The following C6orf58 variants were observed in gnomAD, a reference collection of about 807,000 sequenced individuals.
C6orf58 encodes the protein protein LEG1 homolog.
In C6orf58, 30 loss-of-function variants were observed where a neutral mutation model predicts 37.0. The observed-to-expected ratio is 0.81, with a 90% CI of 0.61 to 1.10. The LOEUF (loss-of-function observed/expected upper bound fraction) is 1.10, where lower values mean the gene tolerates loss of function less well. Ranked by LOEUF, C6orf58 falls within the 50% of genes least tolerant of loss-of-function variation. The pLI is 0.00. For synonymous variants in C6orf58, 143 were observed against 134.1 expected (o/e 1.07, Z -0.46); for missense variants, 368 against 387.5 (o/e 0.95, Z 0.42).
intron 4 of C6orf58, among the ~76,000 whole-genome samples, chr6:127,587,458 G>T (rs924485811): frequency 6.6e-6 from 1 of 152,000 alleles, no homozygotes; most frequent in South Asian, 2.1e-4. Context: ...GGCTTATATT[G>T]GCAAAAGGTA....
chr6:127,584,665 T>C (rs990680900), intron 4 of C6orf58, among the ~76,000 whole-genome samples: 1 of 151,692 alleles, frequency 6.6e-6, no homozygotes, highest in Non-Finnish European at 1.5e-5. Context: ...TACCAGCTAC[T>C]TGGGAGGCTG....
At position 127,590,304 on chromosome 6, in the gene C6orf58, G is replaced by T; in HGVS notation, c.892G>T (p.Asp298Tyr). The change falls in exon 5 of 6, where the codon GAC (aspartate) becomes TAC (tyrosine). Residue 298 changes from aspartate (D) to tyrosine (Y), a missense_variant. Asp to Tyr is a radical substitution (Grantham distance 160, BLOSUM62 -3). Coordinates refer to ENST00000329722, the MANE Select transcript of C6orf58 (RefSeq NM_001010905.3). The stretch of plus-strand genomic sequence containing the variant: ...AGTCCTGGTTCTTCTAAATATGCTT[G>T]ACAATGTGGATAAATCTATAGGTAA... ...NVVLVLLNMLDNVDKSIGYLC... is the reference protein window; with the variant it reads ...NVVLVLLNMLYNVDKSIGYLC... 1 of 1,606,848 alleles carries T rather than the reference G, an allele frequency of 6.2e-7. No homozygotes were observed.
chr6:127,581,932 T>G (rs1775054672), intron 4 of C6orf58, among the ~76,000 whole-genome samples: 1 of 152,202 alleles, frequency 6.6e-6, no homozygotes, highest in South Asian at 2.1e-4. Flanking sequence ...AAGAAAATAC[T>G]CTTAAGTTTG....
At chr6:127,582,037 G>A (rs912160473) in intron 4 of C6orf58, among the ~76,000 whole-genome samples, 2 of 152,098 alleles carry the variant, frequency 1.3e-5, no homozygotes, top group African/African-American at 4.8e-5. Flanking sequence ...CCACCTTTTG[G>A]TCTGCCTCTC....
chr6:127,591,502 T>G, intron 5 of C6orf58, 41 bp from the exon 6 acceptor site: 1 of 1,475,358 alleles, frequency 6.8e-7, no homozygotes, highest in Non-Finnish European at 9.0e-7. Context: ...CTTTAAAAAA[T>G]TTGCAAGAGT....
rs1775046045 is a variant in C6orf58 at position 127,581,188 on chromosome 6, C to T, written c.580C>T (p.Gln194Ter). ...NKWNTFYQYL[Q>*]SPFSKFDDLL... ...TTTGACCTCTTTACCTTAGTATTTG[C>T]AGTCACCTTTTAGTAAGTTTGATGA... The change falls in exon 4 of 6, where the codon CAG becomes TAG. Residue 194 changes from glutamine to a stop codon, truncating the protein, a stop_gained. Transcript: ENST00000329722. LOFTEE classifies it high-confidence loss of function. The T allele has an allele frequency of 6.8e-7, 1 of 1,471,844 alleles. No individual in the cohort carries two copies. The highest frequency in any genetic ancestry group is 9.1e-7 in the Non-Finnish European group (1 of 1,093,428). The allele number at this position is 1,471,844 out of a possible 1,614,324, so 91.2% of individuals were successfully genotyped here.
chr6:127,581,129 A>G, intron 3 of C6orf58, 53 bp from the exon 4 acceptor site: 1 of 789,068 alleles, frequency 1.3e-6, no homozygotes, highest in East Asian at 2.9e-5. Flanking sequence ...AATTTCAGGG[A>G]GAAGGATTTT....
In C6orf58 at chr6:127,591,765, T is replaced by C; in HGVS notation, c.*143T>C. Reference sequence around the variant, plus strand: ...GATATTTTTGATTTATGCTTATTTGTTAAGATCTTGTACATGTATTAAAAA... The same window carrying C: ...GATATTTTTGATTTATGCTTATTTGCTAAGATCTTGTACATGTATTAAAAA... On this transcript the variant is annotated 3_prime_UTR_variant, in exon 6 of 6. Coordinates refer to ENST00000329722, the MANE Select transcript of C6orf58 (RefSeq NM_001010905.3). 1 of 708,886 alleles carries C rather than the reference T, an allele frequency of 1.4e-6. No individual in the cohort carries two copies. Among genetic ancestry groups the C allele is most frequent in the Non-Finnish European group, 2.0e-6 (1 of 503,742 alleles). The allele number at this position is 708,886 out of a possible 1,614,324, so 43.9% of individuals were successfully genotyped here. A position where few individuals can be genotyped will look rare whatever the true frequency, so the allele number is the denominator to read the frequency against.
intron 4 of C6orf58, among the ~76,000 whole-genome samples, chr6:127,588,748 A>G (rs1775131426): frequency 6.6e-6 from 1 of 152,128 alleles, no homozygotes; most frequent in South Asian, 2.1e-4. Context: ...CTGTGTATTG[A>G]ACTGGTGCAC....
At position 127,581,187 on chromosome 6, in the gene C6orf58, G is replaced by A; in HGVS notation, c.579G>A (p.Leu193=). 6.8e-7 allele frequency: 1 copy of A among 1,470,170 alleles called. No individual in the cohort carries two copies. The highest frequency in any genetic ancestry group is 9.2e-7 in the Non-Finnish European group (1 of 1,091,888). The allele number at this position is 1,470,170 out of a possible 1,614,324, so 91.1% of individuals were successfully genotyped here. Residue 193 remains leucine, a synonymous_variant, in exon 4 of 6, where the codon TTG becomes TTA. Transcript: ENST00000329722. ...MNKWNTFYQY[L]QSPFSKFDDL... ...ATTTGACCTCTTTACCTTAGTATTT[G>A]CAGTCACCTTTTAGTAAGTTTGATG...
At position 127,587,258 on chromosome 6, in the gene C6orf58, C is replaced by T. The variant is rs1775116865; in HGVS notation, c.675-2829C>T. Among the ~76,000 whole-genome samples the T allele has an allele frequency of 2.0e-5, 3 of 152,098 alleles. No individual in the cohort carries two copies. In the South Asian group the frequency reaches 6.2e-4, roughly 32 times the overall value. On this transcript the variant is annotated intron_variant, in intron 4 of 5. Transcript: ENST00000329722. ...TAAAAACAGCATTTTTACTAAAAAA[C>T]TCTTTTACCTAAAAATTCCCTTCTA...
chr6:127,590,176 C>A lies in C6orf58; in HGVS notation c.764C>A (p.Thr255Asn). Residue 255 changes from threonine to asparagine, a missense_variant, in exon 5 of 6, where the codon ACC becomes AAC. Transcript: ENST00000329722. ...DHLAAVLFPT[T>N]LIRSYKFQKG... ...TTAGCTGCAGTCCTCTTTCCTACAACCTTGATTAGATCATATAAGTTCCAG... is the reference window on the plus strand; with the variant it reads ...TTAGCTGCAGTCCTCTTTCCTACAAACTTGATTAGATCATATAAGTTCCAG... 2 of 1,613,772 alleles carry A rather than the reference C, an allele frequency of 1.2e-6. No individual in the cohort carries two copies. The highest frequency in any genetic ancestry group is 1.7e-6 in the Non-Finnish European group (2 of 1,179,822).
intron 4 of C6orf58, among the ~76,000 whole-genome samples, chr6:127,587,214 C>T (rs1158576138): frequency 6.6e-6 from 1 of 151,942 alleles, no homozygotes; most frequent in African/African-American, 2.4e-5. Flanking sequence ...TGTTAGGTTG[C>T]AAAAGTACAA....
rs377526089 is a variant in C6orf58, at chr6:127,578,781, G to A, written c.388+9G>A. 1.9e-4 allele frequency: 299 copies of A among 1,596,426 alleles called. No homozygotes were observed. The African/African-American group carries it at 3.4e-3, about 18-fold the overall frequency. ...GGACAGTTGGTGGGCTGGTATGTTC[G>A]TTTAAGTGGCAAAATAGATATTAAC... On this transcript the variant is annotated intron_variant, in intron 2 of 5. Transcript: ENST00000329722.
chr6:127,580,439 C>G lies in C6orf58; in HGVS notation c.563C>G (p.Thr188Ser). 1.2e-6 allele frequency: 2 copies of G among 1,611,024 alleles called. No individual in the cohort carries two copies. ...CCTGAGACAATGAACAAGTGGAACA[C>G]CTTTTACCAGGTTCCTTCTTTATAC... The part of the protein sequence containing the change: ...SFPETMNKWN[T>S]FYQYLQSPFS... Residue 188 changes from threonine (T) to serine (S), a missense_variant, in exon 3 of 6, where the codon ACC (threonine) becomes AGC (serine). Transcript: ENST00000329722.
intron 4 of C6orf58, among the ~76,000 whole-genome samples, chr6:127,584,383 T>C (rs1163795707): frequency 6.6e-6 from 1 of 152,248 alleles, no homozygotes. Context: ...GATTATTTTA[T>C]CTCTTCCATG....
At chr6:127,587,335 G>T (rs886779535) in intron 4 of C6orf58, among the ~76,000 whole-genome samples, 3 of 152,046 alleles carry the variant, frequency 2.0e-5, no homozygotes, top group Non-Finnish European at 2.9e-5. Flanking sequence ...TTGTGTTATG[G>T]ATAAATTTAT....
At position 127,578,737 on chromosome 6, in the gene C6orf58, A is replaced by G. The variant is rs768825802; in HGVS notation, c.353A>G (p.Asp118Gly). ...RRTNCGYESG[D>G]HMCISVDSWW... ...ACAAACTGTGGCTATGAATCTGGAG[A>G]TCATATGTGCATCTCTGTGGACAGT... The change falls in exon 2 of 6, where the codon GAT becomes GGT. Residue 118 changes from aspartate (D) to glycine (G), a missense_variant. Physicochemically the swap from Asp to Gly is moderately conservative, Grantham distance 94 (BLOSUM62 -1). Transcript: ENST00000329722. 86 of 1,612,766 alleles carry G rather than the reference A, an allele frequency of 5.3e-5. No homozygotes were observed. Among genetic ancestry groups the G allele is most frequent in the Admixed American group, 2.8e-4 (17 of 59,948 alleles).
chr6:127,577,178 C>T lies in C6orf58; in HGVS notation c.-8C>T. 1 of 1,611,800 alleles carries T rather than the reference C, an allele frequency of 6.2e-7. No individual in the cohort carries two copies. Among genetic ancestry groups the T allele is most frequent in the Non-Finnish European group, 8.5e-7 (1 of 1,178,916 alleles). ...CCTGCTACGATCGCAATCCCCAGCT[C>T]TGGCACAATGGCTTTTCTTCCTTCC... On this transcript the variant is annotated 5_prime_UTR_variant, in exon 1 of 6. Coordinates refer to ENST00000329722, the MANE Select transcript of C6orf58 (RefSeq NM_001010905.3).
Sources: gnomAD v4.1 joint callset for allele counts (sites outside exome capture counted in the v4.1 genomes callset) on GRCh38, gnomAD v4.1.1 for gene constraint, MANE v1.5 for transcripts, NCBI Gene and HGNC (gene_info 2026-07-23, HGNC 2026-07-21) for gene names.